Variants in NLGN1 observed in about 807,000 individuals in gnomAD.
NLGN1 encodes neuroligin-1.
A neutral mutation model predicts 65.5 loss-of-function variants in NLGN1; 12 were observed. That is an observed-to-expected ratio of 0.18 (90% CI 0.12 to 0.30). The LOEUF is 0.30. NLGN1 is among the 10% of genes least tolerant of loss of function. The pLI is 1.00. For synonymous variants in NLGN1, 350 were observed against 359.5 expected, an observed-to-expected ratio of 0.97 and a Z score of 0.30; for missense variants, 750 against 1,007.1, an observed-to-expected ratio of 0.74 and a Z score of 3.46.
At chr3:173,784,204 TTAGATTATAGAA>T (rs1781610527) in intron 3 of NLGN1, among the ~76,000 whole-genome samples, 1 of 152,168 alleles carries the variant, frequency 6.6e-6, no homozygotes, top group Non-Finnish European at 1.5e-5. Context: ...TTAGAGACTT[TTAGATTATAGAA>T]TAGATATTCT....
At chr3:173,754,047 TTTG>T (rs1776732742) in intron 3 of NLGN1, among the ~76,000 whole-genome samples, 1 of 137,662 alleles carries the variant, frequency 7.3e-6, no homozygotes, top group Non-Finnish European at 1.5e-5. Context: ...TGTTTTTTTT[TTTG>T]TTGTTGTTGT....
intron 3 of NLGN1, among the ~76,000 whole-genome samples, chr3:173,792,619 G>A (rs572152496): frequency 1.1e-4 from 17 of 152,032 alleles, no homozygotes; most frequent in Non-Finnish European, 2.2e-4. Context: ...TTTGTTCAAC[G>A]GCACAAGACT....
At chr3:173,977,143 T>G (rs1392549848) in intron 4 of NLGN1, among the ~76,000 whole-genome samples, 1 of 151,198 alleles carries the variant, frequency 6.6e-6, no homozygotes, top group South Asian at 2.1e-4. Flanking sequence ...ACACACCATT[T>G]CAACTGTGAC....
At chr3:173,661,972 A>G (rs1211286141) in intron 3 of NLGN1, among the ~76,000 whole-genome samples, 1 of 152,036 alleles carries the variant, frequency 6.6e-6, no homozygotes, top group African/African-American at 2.4e-5. Context: ...CTGTAGGCTG[A>G]TTGCTGAAGG....
chr3:174,185,921 G>A (rs1472081248), intron 4 of NLGN1, among the ~76,000 whole-genome samples: 1 of 151,850 alleles, frequency 6.6e-6, no homozygotes, highest in Non-Finnish European at 1.5e-5. Flanking sequence ...TTATATCTAA[G>A]TCTTCAAACA....
At chr3:174,028,530 A>G (rs1439023667) in intron 4 of NLGN1, among the ~76,000 whole-genome samples, 1 of 152,190 alleles carries the variant, frequency 6.6e-6, no homozygotes, top group Non-Finnish European at 1.5e-5. Context: ...CTAGCAGAAG[A>G]AATTTCTAAG....
chr3:174,132,428 T>A (rs1210661066), intron 4 of NLGN1, among the ~76,000 whole-genome samples: 1 of 152,288 alleles, frequency 6.6e-6, no homozygotes. Flanking sequence ...ATATTGAAAA[T>A]TTTTCCTTCA....
intron 2 of NLGN1, among the ~76,000 whole-genome samples, chr3:173,521,277 A>G (rs949895725): frequency 6.6e-6 from 1 of 152,202 alleles, no homozygotes; most frequent in African/African-American, 2.4e-5. Flanking sequence ...TAATTTGTTC[A>G]AGTCAAAAGC....
intron 3 of NLGN1, among the ~76,000 whole-genome samples, chr3:173,658,461 C>G (rs1320881982): frequency 6.6e-6 from 1 of 151,990 alleles, no homozygotes; most frequent in Non-Finnish European, 1.5e-5. Context: ...GAATTTGTTC[C>G]ATTCTCAGGT....
chr3:173,622,253 C>T (rs1018133829), intron 3 of NLGN1, among the ~76,000 whole-genome samples: 2 of 151,958 alleles, frequency 1.3e-5, no homozygotes, highest in South Asian at 4.1e-4. Flanking sequence ...GTTTTTTGAG[C>T]ATTTAACTGT....
intron 4 of NLGN1, among the ~76,000 whole-genome samples, chr3:173,850,003 T>G (rs1726584291): frequency 6.6e-6 from 1 of 152,152 alleles, no homozygotes; most frequent in African/African-American, 2.4e-5. Flanking sequence ...ATTACATATA[T>G]ACACATGATT....
chr3:173,980,113 A>G (rs1290237865), intron 4 of NLGN1, among the ~76,000 whole-genome samples: 2 of 152,090 alleles, frequency 1.3e-5, no homozygotes, highest in African/African-American at 4.8e-5. Flanking sequence ...TGTACCAGCC[A>G]CTTATGCCTC....
intron 2 of NLGN1, among the ~76,000 whole-genome samples, chr3:173,531,048 C>T (rs1298278638): frequency 6.6e-6 from 1 of 152,060 alleles, no homozygotes; most frequent in Non-Finnish European, 1.5e-5. Context: ...CTACTCTGCT[C>T]TTCATTTTTA....
intron 4 of NLGN1, among the ~76,000 whole-genome samples, chr3:174,126,336 G>C (rs1334828879): frequency 6.6e-6 from 1 of 151,986 alleles, no homozygotes; most frequent in Non-Finnish European, 1.5e-5. Flanking sequence ...ATAGTGTAGA[G>C]GAAAGAAAAT....
At chr3:174,060,750 TA>T (rs1379416117) in intron 4 of NLGN1, among the ~76,000 whole-genome samples, 1 of 152,098 alleles carries the variant, frequency 6.6e-6, no homozygotes, top group Non-Finnish European at 1.5e-5. Context: ...CTCAAGCTGA[TA>T]AGAGAAAATA....
intron 3 of NLGN1, among the ~76,000 whole-genome samples, chr3:173,762,188 AAACAAAT>A (rs1778054887): frequency 6.6e-6 from 1 of 152,086 alleles, no homozygotes; most frequent in South Asian, 2.1e-4. Flanking sequence ...ATAAGAAAGG[AAACAAAT>A]AACAGAAGGA....
At chr3:174,257,938 A>G (rs1484384014) in intron 4 of NLGN1, among the ~76,000 whole-genome samples, 1 of 150,820 alleles carries the variant, frequency 6.6e-6, no homozygotes, top group African/African-American at 2.4e-5. Context: ...AAAAATAGTA[A>G]TTTTTATAAT....
intron 4 of NLGN1, among the ~76,000 whole-genome samples, chr3:173,908,227 C>G (rs1047770013): frequency 6.6e-6 from 1 of 152,136 alleles, no homozygotes; most frequent in African/African-American, 2.4e-5. Flanking sequence ...AAACATCACA[C>G]GTATCTAGTG....
chr3:173,764,172 G>A (rs1360248969), intron 3 of NLGN1, among the ~76,000 whole-genome samples: 2 of 152,138 alleles, frequency 1.3e-5, no homozygotes, highest in African/African-American at 4.8e-5. Flanking sequence ...TTCAACAGGA[G>A]CTCAGGATGG....
Sources: gnomAD v4.1 joint callset for allele counts (sites outside exome capture counted in the v4.1 genomes callset) on GRCh38, gnomAD v4.1.1 for gene constraint, MANE v1.5 for transcripts, NCBI Gene and HGNC (gene_info 2026-07-23, HGNC 2026-07-21) for gene names.